Variants in NID1 observed in about 807,000 individuals in gnomAD.
The protein encoded by NID1 is nidogen-1.
A neutral mutation model predicts 130.6 loss-of-function variants in NID1; 76 were observed. The ratio of observed to expected loss-of-function variants is 0.58; its 90% CI spans 0.48 to 0.70. The LOEUF is 0.70. NID1 is among the 30% of genes least tolerant of loss of function. NID1 has a pLI of 0.00. For synonymous variants in NID1, 665 were observed against 675.1 expected, an observed-to-expected ratio of 0.98 and a Z score of 0.23; for missense variants, 1,517 against 1,664.8, an observed-to-expected ratio of 0.91 and a Z score of 1.54.
Position 236,042,135 on chromosome 1 carries a change from C to G in NID1, c.910G>C (p.Gly304Arg). 2 of 1,614,096 alleles carry G rather than the reference C, an allele frequency of 1.2e-6. No individual in the cohort carries two copies. The highest frequency in any genetic ancestry group is 1.7e-6 in the Non-Finnish European group (2 of 1,180,022). The change falls in exon 4 of 20, where the codon GGC (glycine) becomes CGC (arginine). Residue 304 changes from glycine (G) to arginine (R), a missense_variant. Gly to Arg is a moderately radical substitution (Grantham distance 125, BLOSUM62 -2). Transcript: ENST00000264187. The part of the protein sequence containing the change: ...EDYDLATTRL[G>R]LEDVGTTPFS... Reference sequence around the variant, plus strand: ...GGCGTGGTGCCCACATCCTCCAGGCCCAGACGAGTGGTCGCCAGGTCATAA... The same window carrying G: ...GGCGTGGTGCCCACATCCTCCAGGCGCAGACGAGTGGTCGCCAGGTCATAA...
intron 17 of NID1, 74 bp from the exon 18 acceptor site, chr1:235,980,019 A>C: frequency 1.3e-6 from 2 of 1,521,728 alleles, no homozygotes; most frequent in Non-Finnish European, 9.1e-7. Flanking sequence ...AACAAGAGTA[A>C]TGAGGGCAAG....
intron 1 of NID1, among the ~76,000 whole-genome samples, chr1:236,062,409 C>T (rs1317831065): frequency 4.6e-5 from 7 of 152,136 alleles, no homozygotes; most frequent in South Asian, 4.2e-4. Context: ...CCAAGGCGGG[C>T]GGATCACCTG....
intron 1 of NID1, 92 bp downstream of exon 1, chr1:236,064,763 C>T (rs1245231214): frequency 7.9e-7 from 1 of 1,267,056 alleles, no homozygotes; most frequent in Non-Finnish European, 1.1e-6. Context: ...TCCGGGTCCC[C>T]GCCTGCTACG....
chr1:236,064,669 C>A, intron 1 of NID1, 186 bp downstream of exon 1: 1 of 639,668 alleles, frequency 1.6e-6, no homozygotes. Flanking sequence ...CTTCGGATAG[C>A]AGGGACCGGG....
chr1:236,017,334 C>G (rs1658629137), intron 9 of NID1, 61 bp from the exon 10 acceptor site: 1 of 1,566,276 alleles, frequency 6.4e-7, no homozygotes, highest in African/African-American at 1.4e-5. Flanking sequence ...ACATTACTGA[C>G]TATAATAAAA....
intron 12 of NID1, among the ~76,000 whole-genome samples, chr1:235,996,770 G>T (rs759581269): frequency 1.3e-5 from 2 of 151,770 alleles, no homozygotes; most frequent in Non-Finnish European, 2.9e-5. Flanking sequence ...AAGTGGCAGG[G>T]TCTTGCTATG....
In NID1 at chr1:236,049,669, T is replaced by G. The variant is rs527669719; in HGVS notation, c.226-680A>C. On this transcript the variant is annotated intron_variant, in intron 1 of 19. Transcript: ENST00000264187. The stretch of plus-strand genomic sequence containing the variant: ...TTTAAAGTTTAATGTGTCAGGATAA[T>G]AGCTAATATTTACTGAATACTCACC... Among the ~76,000 whole-genome samples the G allele has an allele frequency of 1.0e-3, 156 of 152,268 alleles. 1 individual carries two copies. The highest frequency in any genetic ancestry group is 3.7e-3 in the African/African-American group (152 of 41,546).
At chr1:236,002,795 T>C (rs1177657938) in intron 12 of NID1, among the ~76,000 whole-genome samples, 1 of 151,776 alleles carries the variant, frequency 6.6e-6, no homozygotes, top group East Asian at 1.9e-4. Flanking sequence ...CATGTGAGAG[T>C]CACAAGGGAA....
At chr1:236,002,798 C>T (rs1440635556) in intron 12 of NID1, among the ~76,000 whole-genome samples, 1 of 152,144 alleles carries the variant, frequency 6.6e-6, no homozygotes. Context: ...GTGAGAGTCA[C>T]AAGGGAAGGA....
At chr1:236,035,255 G>A (rs1239976917) in intron 5 of NID1, among the ~76,000 whole-genome samples, 22 of 100,856 alleles carry the variant, frequency 2.2e-4, no homozygotes, top group African/African-American at 9.2e-4. Flanking sequence ...TTGGTTTTTT[G>A]TTCTTGCGAT....
At chr1:236,063,394 C>T (rs995542459) in intron 1 of NID1, among the ~76,000 whole-genome samples, 44 of 151,146 alleles carry the variant, frequency 2.9e-4, no homozygotes, top group Non-Finnish European at 2.1e-4. Flanking sequence ...ATCATTTGAA[C>T]CCAGGAGGTG....
chr1:236,063,482 A>T (rs1225558821), intron 1 of NID1, among the ~76,000 whole-genome samples: 2 of 141,698 alleles, frequency 1.4e-5, no homozygotes, highest in Non-Finnish European at 3.0e-5. Flanking sequence ...AAAAAAAAAA[A>T]TAAATAAATA....
chr1:236,023,686 T>C (rs1658835946), intron 9 of NID1, among the ~76,000 whole-genome samples: 2 of 152,176 alleles, frequency 1.3e-5, no homozygotes, highest in African/African-American at 2.4e-5. Flanking sequence ...TTAGAGTTGT[T>C]GGAGAATTAA....
chr1:236,013,536 T>C lies in NID1; in HGVS notation c.2279A>G (p.Asn760Ser), dbSNP rs1658495857. 1 of 1,614,162 alleles carries C rather than the reference T, an allele frequency of 6.2e-7. No individual in the cohort carries two copies. Among genetic ancestry groups the C allele is most frequent in the Non-Finnish European group, 8.5e-7 (1 of 1,180,024 alleles). Residue 760 changes from asparagine (N) to serine (S), a missense_variant, in exon 11 of 20, where the codon AAC becomes AGC. Asn to Ser is a conservative substitution (Grantham distance 46). Transcript: ENST00000264187. ...CVAVVDQRPI[N>S]YCETGLHNCD... ...GTTATGAAGGCCAGTTTCACAGTAG[T>C]TGATGGGGCGCTGGTCCACGACAGC... is the stretch of plus-strand genomic sequence containing the variant.
chr1:236,021,595 T>G (rs1658767291), intron 9 of NID1, among the ~76,000 whole-genome samples: 1 of 152,176 alleles, frequency 6.6e-6, no homozygotes, highest in African/African-American at 2.4e-5. Context: ...ATTCCCGAAT[T>G]CTGAGACTGC....
chr1:236,015,647 CAA>C (rs71559908), intron 10 of NID1, among the ~76,000 whole-genome samples: 12 of 80,056 alleles, frequency 1.5e-4, no homozygotes, highest in Admixed American at 5.7e-4. Context: ...AACCCTGTCT[CAA>C]AAAAAAAAAA....
chr1:236,054,962 G>A (rs538297931), intron 1 of NID1, among the ~76,000 whole-genome samples: 2 of 152,000 alleles, frequency 1.3e-5, no homozygotes, highest in Admixed American at 1.3e-4. Context: ...TTTCTTCTGA[G>A]GCACATCTGA....
chr1:236,038,237 C>A lies in NID1; in HGVS notation c.1152G>T (p.Thr384=), dbSNP rs763322494. The A allele has an allele frequency of 6.2e-7, 1 of 1,612,458 alleles. No individual in the cohort carries two copies. The highest frequency in any genetic ancestry group is 1.1e-5 in the South Asian group (1 of 90,940). ...TGTTAGCACACGTCTGGCGGGAATCCGTGTTATAGCTGAAAACTGGTCCAA... is the reference window on the plus strand; with the variant it reads ...TGTTAGCACACGTCTGGCGGGAATCAGTGTTATAGCTGAAAACTGGTCCAA... The part of the protein sequence containing the change: ...EETGVVFSYN[T]DSRQTCANNR... The change falls in exon 5 of 20, where the codon ACG becomes ACT. Residue 384 remains threonine, a synonymous_variant. Transcript: ENST00000264187.
chr1:236,020,422 C>CT (rs1254030023), intron 9 of NID1, among the ~76,000 whole-genome samples: 2 of 152,184 alleles, frequency 1.3e-5, no homozygotes, highest in Non-Finnish European at 2.9e-5. Flanking sequence ...TAAATGCCTT[C>CT]TACATACTCG....
Sources: allele counts gnomAD v4.1 joint callset (sites outside exome capture counted in the v4.1 genomes callset), GRCh38; gene constraint gnomAD v4.1.1; transcripts MANE v1.5; gene names NCBI Gene and HGNC (gene_info 2026-07-23, HGNC 2026-07-21).